The following SLC6A16 variants were observed in gnomAD, a reference collection of about 807,000 sequenced individuals.
SLC6A16 encodes the protein orphan sodium- and chloride-dependent neurotransmitter transporter NTT5.
SLC6A16 carries 54 observed loss-of-function variants against 65.4 expected under a neutral mutation model. The observed-to-expected ratio is 0.83, with a 90% CI of 0.66 to 1.04. The LOEUF is 1.04. Ranked by LOEUF, SLC6A16 falls within the 50% of genes least tolerant of loss-of-function variation. SLC6A16 has a pLI of 0.00. For missense variants in SLC6A16, 816 were observed against 914.0 expected, an observed-to-expected ratio of 0.89 and a Z score of 1.38; for synonymous variants, 330 against 346.5, an observed-to-expected ratio of 0.95 and a Z score of 0.53.
intron 7 of SLC6A16, among the ~76,000 whole-genome samples, chr19:49,297,893 TATG>T (rs1202712026): frequency 6.6e-6 from 1 of 152,052 alleles, no homozygotes; most frequent in African/African-American, 2.4e-5. Context: ...AAATCTAATC[TATG>T]ATGATAGAAA....
At chr19:49,305,743 T>G (rs1970373907) in intron 7 of SLC6A16, 1 of 152,094 alleles carries the variant, frequency 6.6e-6, no homozygotes, top group African/African-American at 2.4e-5. Flanking sequence ...CGCAGAATCA[T>G]GAGATAAATC....
At chr19:49,337,496 C>T in the SLC6A16 span, 2 of 643,582 alleles carry the variant, frequency 3.1e-6, no homozygotes, top group East Asian at 7.0e-5. Context: ...ATGGTGTGCA[C>T]CTGGGGTCCC....
chr19:49,309,163 A>G, intron 6 of SLC6A16, 46 bp from the exon 7 acceptor site: 1 of 1,607,946 alleles, frequency 6.2e-7, no homozygotes, highest in South Asian at 1.1e-5. Context: ...AAGAAGAAGC[A>G]GAGGACAACT....
At chr19:49,305,641 CTG>C (rs1334652367) in intron 7 of SLC6A16, 2 of 151,992 alleles carry the variant, frequency 1.3e-5, no homozygotes, top group East Asian at 3.9e-4. Flanking sequence ...AGCGCCGTCC[CTG>C]CTGGGCTCAG....
At chr19:49,334,646 C>A in the SLC6A16 span, among the ~76,000 whole-genome samples, 1 of 146,592 alleles carries the variant, frequency 6.8e-6, no homozygotes, top group East Asian at 2.0e-4. Flanking sequence ...GCCTGGGCAA[C>A]CTAGTGAGAC....
At chr19:49,293,035 T>C (rs765869478) in intron 10 of SLC6A16, 188 bp downstream of exon 10, 11 of 544,536 alleles carry the variant, frequency 2.0e-5, no homozygotes, top group Non-Finnish European at 2.9e-5. Context: ...ACTAAAATAG[T>C]GCCTGGCACA....
At chr19:49,338,973 G>A in the SLC6A16 span, 2 of 1,524,326 alleles carry the variant, frequency 1.3e-6, no homozygotes, top group Non-Finnish European at 1.8e-6. This position sits in a 1 kb window ranked among gnomAD's most constrained non-coding sequence, Gnocchi z 5.0. Flanking sequence ...TGTCGAATGG[G>A]GCGGGGCCTG....
chr19:49,314,402 T>G lies in SLC6A16; in HGVS notation c.-64-2991A>C, dbSNP rs145699976. ...TAGAAGGTCACTGCTTATCATAAAC[T>G]AATCAAGTTGTACACATGAAATATG... On this transcript the variant is annotated intron_variant, in intron 1 of 11. Coordinates refer to ENST00000335875, the MANE Select transcript of SLC6A16 (RefSeq NM_014037.3). Among the ~76,000 whole-genome samples the G allele has an allele frequency of 1.8e-4, 27 of 152,312 alleles. No homozygotes were observed. The East Asian group carries it at 5.2e-3, about 29-fold the overall frequency.
intron 7 of SLC6A16, among the ~76,000 whole-genome samples, chr19:49,308,002 T>G (rs2146120770): frequency 6.6e-6 from 1 of 150,896 alleles, no homozygotes; most frequent in East Asian, 1.9e-4. Flanking sequence ...AAAGAACACT[T>G]CCTAAATGTC....
Position 49,310,333 on chromosome 19 carries a change from G to A in SLC6A16, c.573+20C>T. On this transcript the variant is annotated intron_variant, in intron 3 of 11. Coordinates refer to ENST00000335875, the MANE Select transcript of SLC6A16 (RefSeq NM_014037.3). ...CGGTGGGGTGTAAAAGTCAGGCCTG[G>A]GCAGCCATGGGCTCCTCACCATGAA... is the stretch of plus-strand genomic sequence containing the variant. The A allele has an allele frequency of 6.2e-7, 1 of 1,613,322 alleles. No individual in the cohort carries two copies. The highest frequency in any genetic ancestry group is 8.5e-7 in the Non-Finnish European group (1 of 1,179,688).
the SLC6A16 span, chr19:49,335,659 C>T: frequency 6.1e-5 from 98 of 1,610,316 alleles, no homozygotes; most frequent in Non-Finnish European, 8.0e-5. This position sits in a 1 kb window ranked among gnomAD's most constrained non-coding sequence, Gnocchi z 4.6. Context: ...TGCCGCTAAC[C>T]CAGCCCTCAT....
At position 49,290,206 on chromosome 19, in the gene SLC6A16, T is replaced by G. The variant is rs1355229644; in HGVS notation, c.2128A>C (p.Thr710Pro). The change falls in exon 12 of 12, where the codon ACA becomes CCA. Residue 710 changes from threonine to proline, a missense_variant. Thr to Pro is a conservative substitution (Grantham distance 38). Transcript: ENST00000335875. ...TCCTTTTGAACCTCTTTACTGGGTG[T>G]TAGCTGGTGACTTAGGGGTAGGGAT... ...STSLPLSHQL[T>P]PSKEVQKEEI... is the part of the protein sequence containing the mutation. The G allele has an allele frequency of 1.2e-6, 2 of 1,614,174 alleles. No individual in the cohort carries two copies. Among genetic ancestry groups the G allele is most frequent in the South Asian group, 2.2e-5 (2 of 91,074 alleles).
intron 1 of SLC6A16, among the ~76,000 whole-genome samples, chr19:49,324,314 G>C (rs1418515455): frequency 2.0e-5 from 3 of 152,188 alleles, no homozygotes; most frequent in Non-Finnish European, 2.9e-5. Context: ...CTGGGTGACA[G>C]AGTGGGACTC....
chr19:49,339,443 G>C, the SLC6A16 span: 3 of 1,600,346 alleles, frequency 1.9e-6, no homozygotes, highest in Non-Finnish European at 2.6e-6. The surrounding 1 kb of genome is among the most constrained non-coding windows in gnomAD (Gnocchi z 4.5). Context: ...ACCCGCGATC[G>C]GCCCTAAATC....
At chr19:49,340,040 C>A in the SLC6A16 span, 1 of 1,494,842 alleles carries the variant, frequency 6.7e-7, no homozygotes. Context: ...CCTTCTCAGC[C>A]TCTACCCCCA....
rs201374771 is a variant in SLC6A16 at position 49,290,168 on chromosome 19, T to G, written c.2166A>C (p.Gln722His). Residue 722 changes from glutamine (Q) to histidine (H), a missense_variant, in exon 12 of 12, where the codon CAA (glutamine) becomes CAC (histidine). Transcript: ENST00000335875. ...TTGATGGGTACTTTGTTTCATCAAC[T>G]TGTAGAATTTCTTCCTTTTGAACCT... Reference protein sequence around the residue: ...SKEVQKEEILQVDETKYPSTC... With the variant: ...SKEVQKEEILHVDETKYPSTC... The G allele has an allele frequency of 6.2e-7, 1 of 1,614,178 alleles. No individual in the cohort carries two copies. The highest frequency in any genetic ancestry group is 8.5e-7 in the Non-Finnish European group (1 of 1,180,018).
At chr19:49,327,729 A>G (rs1229931798), upstream of SLC6A16, among the ~76,000 whole-genome samples, 4 of 152,252 alleles carry the variant, frequency 2.6e-5, no homozygotes, top group Admixed American at 2.0e-4. Flanking sequence ...AGGGTAGTCA[A>G]GAAGGACTCT....
At chr19:49,330,183 G>A (rs1970835042), upstream of SLC6A16, among the ~76,000 whole-genome samples, 1 of 152,100 alleles carries the variant, frequency 6.6e-6, no homozygotes, top group Non-Finnish European at 1.5e-5. Context: ...TTACTGAAAA[G>A]GAAAGTACTG....
chr19:49,339,484 C>T, the SLC6A16 span: 10 of 1,553,600 alleles, frequency 6.4e-6, no homozygotes, highest in Non-Finnish European at 8.8e-6. The surrounding 1 kb of genome is among the most constrained non-coding windows in gnomAD (Gnocchi z 4.5). Context: ...ATTTCGCGTC[C>T]TTCGGTTGCC....
Sources: gnomAD v4.1 joint callset for allele counts (sites outside exome capture counted in the v4.1 genomes callset) on GRCh38, gnomAD v4.1.1 for gene constraint, Gnocchi (gnomAD v3.1) non-coding constraint, MANE v1.5 for transcripts, NCBI Gene and HGNC (gene_info 2026-07-23, HGNC 2026-07-21) for gene names.